Variants in NCALD observed in about 807,000 individuals in gnomAD.
NCALD encodes the protein neurocalcin delta, also known as neurocalcin-delta.
NCALD carries 10 observed loss-of-function variants against 18.6 expected under a neutral mutation model. That is an observed-to-expected ratio of 0.54 (90% CI 0.33 to 0.91). NCALD has a LOEUF of 0.91. NCALD is among the 40% of genes least tolerant of loss of function. NCALD has a pLI of 0.03. For synonymous variants in NCALD, 88 were observed against 87.4 expected (o/e 1.01, Z -0.04); for missense variants, 184 against 247.6 (o/e 0.74, Z 1.72).
In NCALD at chr8:101,988,125, G is replaced by C. The variant is rs1268703596; in HGVS notation, c.-157+32112C>G. Among the ~76,000 whole-genome samples, 32 of 134,464 alleles carry C rather than the reference G, an allele frequency of 2.4e-4. 1 individual carries two copies. The highest frequency in any genetic ancestry group is 1.2e-4 in the Non-Finnish European group (8 of 66,010). The allele number at this position is 134,464 out of a possible 152,430, so 88.2% of individuals were successfully genotyped here. On this transcript the variant is annotated intron_variant, in intron 2 of 6. Transcript: ENST00000311028. Reference sequence around the variant, plus strand: ...AGCCGAGATCGCGCCACTGCGGTCCGGCCTGGGCGAAACAGCGAGACTCCG... The same window carrying C: ...AGCCGAGATCGCGCCACTGCGGTCCCGCCTGGGCGAAACAGCGAGACTCCG...
chr8:101,828,559 C>CTT (rs11370046), intron 4 of NCALD, among the ~76,000 whole-genome samples: 2,058 of 145,862 alleles, frequency 0.014, 47 homozygotes, highest in African/African-American at 0.039. Flanking sequence ...TAATTTCCTT[C>CTT]TTTTTTTTTT....
At chr8:101,761,433 T>C (rs1586429323) in intron 1 of NCALD, among the ~76,000 whole-genome samples, 1 of 152,162 alleles carries the variant, frequency 6.6e-6, no homozygotes, top group Non-Finnish European at 1.5e-5. Context: ...TGTTGCCCTG[T>C]GACATTTTTT....
rs1440330315 is a variant in NCALD, at chr8:101,735,922, G to GC, written c.-19-16275dup. On this transcript the variant is annotated intron_variant, in intron 1 of 3. Coordinates refer to ENST00000220931, the MANE Select transcript of NCALD (RefSeq NM_032041.3). ...CCATCCAATCCTGTTCAAACATCAG[G>GC]CCTCTTGTAATAAAAAGTTTGACTC... is the stretch of plus-strand genomic sequence containing the variant. Among the ~76,000 whole-genome samples, 3 of 152,274 alleles carry GC rather than the reference G, an allele frequency of 2.0e-5. No individual in the cohort carries two copies. The East Asian group carries it at 5.8e-4, about 29-fold the overall frequency.
At chr8:101,854,285 A>C (rs1213973244) in intron 4 of NCALD, among the ~76,000 whole-genome samples, 1 of 152,154 alleles carries the variant, frequency 6.6e-6, no homozygotes, top group Non-Finnish European at 1.5e-5. Flanking sequence ...CCTGCATACA[A>C]GCAGCCACCT....
intron 2 of NCALD, chr8:102,020,197 T>C (rs751390876): frequency 9.2e-5 from 14 of 152,160 alleles, no homozygotes; most frequent in Non-Finnish European, 1.9e-4. Flanking sequence ...GGAAGAAAAG[T>C]GTTGTTTACA....
intron 1 of NCALD, among the ~76,000 whole-genome samples, chr8:101,754,821 T>A (rs1295111124): frequency 6.6e-6 from 1 of 152,076 alleles, no homozygotes; most frequent in Non-Finnish European, 1.5e-5. Context: ...CAAGATACAC[T>A]CGGCACAGGG....
chr8:101,936,011 G>C (rs979484611), intron 2 of NCALD, among the ~76,000 whole-genome samples: 2 of 152,000 alleles, frequency 1.3e-5, no homozygotes, highest in Non-Finnish European at 2.9e-5. Context: ...AGAGTGCACA[G>C]GTCCAGATGC....
chr8:101,765,428 T>G (rs1223348145), intron 1 of NCALD, among the ~76,000 whole-genome samples: 2 of 152,208 alleles, frequency 1.3e-5, no homozygotes, highest in Non-Finnish European at 2.9e-5. Context: ...CTCCGGCTAT[T>G]GTCAAACCCC....
intron 1 of NCALD, among the ~76,000 whole-genome samples, chr8:101,724,713 CTA>C (rs1178188285): frequency 6.6e-6 from 1 of 152,212 alleles, no homozygotes; most frequent in African/African-American, 2.4e-5. Flanking sequence ...CAGGCTTTCT[CTA>C]TCTCATAAGC....
chr8:101,858,232 G>A (rs1815398740), intron 4 of NCALD, among the ~76,000 whole-genome samples: 1 of 152,108 alleles, frequency 6.6e-6, no homozygotes, highest in Non-Finnish European at 1.5e-5. Flanking sequence ...TTCAGAAAAT[G>A]GAAAGCAGTT....
intron 1 of NCALD, among the ~76,000 whole-genome samples, chr8:101,744,787 C>T (rs1810358236): frequency 6.6e-6 from 1 of 151,990 alleles, no homozygotes; most frequent in Non-Finnish European, 1.5e-5. Context: ...ACTATGTATG[C>T]AGTACTCTGG....
At chr8:102,052,288 G>C (rs1190417632) in intron 1 of NCALD, among the ~76,000 whole-genome samples, 5 of 152,126 alleles carry the variant, frequency 3.3e-5, no homozygotes, top group African/African-American at 1.2e-4. Flanking sequence ...CATCCTAAGA[G>C]CATGGAAATC....
chr8:102,024,254 C>T (rs745330612), intron 1 of NCALD, among the ~76,000 whole-genome samples: 1 of 152,160 alleles, frequency 6.6e-6, no homozygotes, highest in Admixed American at 6.5e-5. Flanking sequence ...CAAACACACA[C>T]AAAAAAGCCT....
At chr8:101,726,475 T>C (rs975663266) in intron 1 of NCALD, among the ~76,000 whole-genome samples, 15 of 152,072 alleles carry the variant, frequency 9.9e-5, no homozygotes, top group Non-Finnish European at 1.6e-4. Context: ...CAGGCTTGGT[T>C]GATGGTTCAT....
intron 2 of NCALD, among the ~76,000 whole-genome samples, chr8:102,001,740 G>A (rs1227556528): frequency 6.6e-6 from 1 of 152,172 alleles, no homozygotes; most frequent in East Asian, 1.9e-4. Flanking sequence ...TTAAAGAAAA[G>A]AATTTTCAAC....
At chr8:102,114,760 C>T (rs1184281430) in intron 1 of NCALD, among the ~76,000 whole-genome samples, 1 of 152,166 alleles carries the variant, frequency 6.6e-6, no homozygotes, top group Non-Finnish European at 1.5e-5. Flanking sequence ...TGGCCATTGA[C>T]GCCAGTGGTA....
In NCALD at chr8:101,898,241, G is replaced by A. The variant is rs972058904; in HGVS notation, c.-106-11014C>T. On this transcript the variant is annotated intron_variant, in intron 3 of 6. Transcript: ENST00000311028. Reference sequence around the variant, plus strand: ...TTTTATTTTAGCTGTTCTAATAGGTGTGTGGTGCTATCTCATCATGGCATT... The same window carrying A: ...TTTTATTTTAGCTGTTCTAATAGGTATGTGGTGCTATCTCATCATGGCATT... Among the ~76,000 whole-genome samples, 4 of 152,202 alleles carry A rather than the reference G, an allele frequency of 2.6e-5. No homozygotes were observed. The East Asian group carries it at 7.7e-4, about 29-fold the overall frequency.
intron 3 of NCALD, among the ~76,000 whole-genome samples, chr8:101,907,336 C>T (rs1236661751): frequency 6.6e-6 from 1 of 152,118 alleles, no homozygotes; most frequent in Non-Finnish European, 1.5e-5. Flanking sequence ...TTTTCACTTA[C>T]TTAGATCCAC....
intron 1 of NCALD, among the ~76,000 whole-genome samples, chr8:102,048,612 T>C (rs1277609324): frequency 2.0e-5 from 3 of 152,234 alleles, no homozygotes; most frequent in Non-Finnish European, 4.4e-5. Flanking sequence ...TTCATTTACT[T>C]GCAATTGAGC....
Sources: allele counts gnomAD v4.1 joint callset (sites outside exome capture counted in the v4.1 genomes callset), GRCh38; gene constraint gnomAD v4.1.1; transcripts MANE v1.5; gene names NCBI Gene and HGNC (gene_info 2026-07-23, HGNC 2026-07-21).